The following VEGFC variants were observed in gnomAD, a reference collection of about 807,000 sequenced individuals.
The protein encoded by VEGFC is FLT4 ligand DHM.
Under a neutral mutation model 46.1 loss-of-function variants are expected in VEGFC, and 12 were observed. The observed-to-expected ratio is 0.26, with a 90% CI of 0.17 to 0.42. The LOEUF is 0.42. Ranked by LOEUF, VEGFC falls within the 10% of genes least tolerant of loss-of-function variation. The probability of loss-of-function intolerance (pLI) is 1.00; values close to 1 mark genes in which losing one functional copy is unlikely to be tolerated. For synonymous variants in VEGFC, 232 were observed against 195.5 expected, an observed-to-expected ratio of 1.19 and a Z score of -1.56; for missense variants, 488 against 529.4, an observed-to-expected ratio of 0.92 and a Z score of 0.77.
At chr4:176,784,756 C>CAAAAA (rs5864405) in intron 1 of VEGFC, among the ~76,000 whole-genome samples, 34 of 22,988 alleles carry the variant, frequency 1.5e-3, no homozygotes, top group African/African-American at 2.9e-3. Context: ...GAGTCTGTCT[C>CAAAAA]AAAAAAAAAA....
intron 3 of VEGFC, among the ~76,000 whole-genome samples, chr4:176,723,805 G>C (rs1014357382): frequency 1.3e-5 from 2 of 148,380 alleles, no homozygotes; most frequent in African/African-American, 5.0e-5. Flanking sequence ...GCATGTGCAG[G>C]TTTGTGACAT....
chr4:176,705,328 G>T (rs574770892), intron 4 of VEGFC, among the ~76,000 whole-genome samples: 1 of 152,146 alleles, frequency 6.6e-6, no homozygotes, highest in South Asian at 2.1e-4. Context: ...TAAATTTGAA[G>T]AAAATATGAG....
chr4:176,725,123 A>G (rs527814745), intron 3 of VEGFC, among the ~76,000 whole-genome samples: 2 of 152,290 alleles, frequency 1.3e-5, no homozygotes, highest in African/African-American at 2.4e-5. Context: ...GGATATCCCA[A>G]TTACCCTGAT....
chr4:176,712,250 G>C (rs1475921146), intron 3 of VEGFC, among the ~76,000 whole-genome samples: 1 of 152,038 alleles, frequency 6.6e-6, no homozygotes, highest in Non-Finnish European at 1.5e-5. Context: ...TAATTTAATA[G>C]ATAAAGCCAT....
chr4:176,777,983 T>C (rs1030353846), intron 1 of VEGFC, among the ~76,000 whole-genome samples: 8 of 149,012 alleles, frequency 5.4e-5, no homozygotes, highest in African/African-American at 1.5e-4. Flanking sequence ...ATCTATTTTA[T>C]AGTCAAAATG....
At chr4:176,702,846 G>A (rs1057331384) in intron 4 of VEGFC, among the ~76,000 whole-genome samples, 1 of 151,930 alleles carries the variant, frequency 6.6e-6, no homozygotes, top group African/African-American at 2.4e-5. Flanking sequence ...ATAAAAACTT[G>A]TGTTTATTTA....
chr4:176,748,245 A>G (rs1579120828), intron 1 of VEGFC, among the ~76,000 whole-genome samples: 2 of 152,128 alleles, frequency 1.3e-5, no homozygotes, highest in South Asian at 4.1e-4. Context: ...TTACTTTACC[A>G]TAATAAACAA....
intron 1 of VEGFC, among the ~76,000 whole-genome samples, chr4:176,774,268 CATA>C (rs140259665): frequency 0.72 from 109,756 of 151,836 alleles, 44,909 homozygotes; most frequent in East Asian, 0.99. Context: ...AATGAAACTG[CATA>C]ATAAATAAAA....
chr4:176,780,459 A>G (rs1479815449), intron 1 of VEGFC, among the ~76,000 whole-genome samples: 2 of 151,342 alleles, frequency 1.3e-5, no homozygotes, highest in Non-Finnish European at 2.9e-5. Flanking sequence ...TGTAATACAC[A>G]GTGCACCAAG....
intron 1 of VEGFC, among the ~76,000 whole-genome samples, chr4:176,734,870 A>T (rs1735027803): frequency 1.3e-5 from 2 of 151,922 alleles, no homozygotes; most frequent in African/African-American, 2.4e-5. Context: ...AATATTTTTT[A>T]AAATTTAAAC....
At chr4:176,738,327 C>T (rs1735090252) in intron 1 of VEGFC, among the ~76,000 whole-genome samples, 1 of 152,022 alleles carries the variant, frequency 6.6e-6, no homozygotes, top group South Asian at 2.1e-4. Flanking sequence ...GTAACCAAAA[C>T]AGCAGGATAC....
chr4:176,770,421 G>GCTCCTATTTTAGC, intron 1 of VEGFC, among the ~76,000 whole-genome samples: 8 of 151,898 alleles, frequency 5.3e-5, no homozygotes, highest in African/African-American at 1.7e-4. Context: ...TGTTTTTGTG[G>GCTCCTATTTTAGC]AAACAGTTTA....
At chr4:176,758,858 G>A (rs987834278) in intron 1 of VEGFC, among the ~76,000 whole-genome samples, 3 of 151,978 alleles carry the variant, frequency 2.0e-5, no homozygotes, top group African/African-American at 7.3e-5. Context: ...CATGGCCATT[G>A]TAAACAACAA....
intron 1 of VEGFC, among the ~76,000 whole-genome samples, chr4:176,741,963 T>C (rs528462051): frequency 1.3e-5 from 2 of 151,952 alleles, no homozygotes; most frequent in South Asian, 4.1e-4. Context: ...TTCCTCTGTT[T>C]TTTGTTTGCT....
intron 1 of VEGFC, among the ~76,000 whole-genome samples, chr4:176,780,769 G>A (rs572959109): frequency 4.6e-5 from 7 of 152,152 alleles, no homozygotes; most frequent in African/African-American, 9.7e-5. Context: ...TACGTGTGTC[G>A]TGTTAACATG....
chr4:176,743,787 T>C (rs1735217296), intron 1 of VEGFC, among the ~76,000 whole-genome samples: 1 of 151,882 alleles, frequency 6.6e-6, no homozygotes, highest in African/African-American at 2.4e-5. Flanking sequence ...GATTTTAAAA[T>C]ATTTATTCTG....
At chr4:176,714,559 A>C (rs144912886) in intron 3 of VEGFC, among the ~76,000 whole-genome samples, 187 of 152,372 alleles carry the variant, frequency 1.2e-3, no homozygotes, top group African/African-American at 4.3e-3. Context: ...GAAACCAGGC[A>C]GGACAGAGCC....
At chr4:176,687,980 G>A (rs973600440) in intron 4 of VEGFC, 53 bp from the exon 5 acceptor site, 3 of 955,436 alleles carry the variant, frequency 3.1e-6, no homozygotes, top group Non-Finnish European at 3.3e-6. Context: ...ACCTAGAAGG[G>A]ACCATCTCTG....
intron 4 of VEGFC, among the ~76,000 whole-genome samples, chr4:176,702,816 C>A (rs1300463374): frequency 6.6e-6 from 1 of 151,788 alleles, no homozygotes; most frequent in African/African-American, 2.4e-5. Flanking sequence ...TATAGTACAT[C>A]GTCACAGAAT....
Sources: gnomAD v4.1 joint callset for allele counts (sites outside exome capture counted in the v4.1 genomes callset) on GRCh38, gnomAD v4.1.1 for gene constraint, MANE v1.5 for transcripts, NCBI Gene and HGNC (gene_info 2026-07-23, HGNC 2026-07-21) for gene names.